Variants in SLC35E4 observed in about 807,000 individuals in gnomAD.
SLC35E4 encodes solute carrier family 35 member E4.
A neutral mutation model predicts 19.3 loss-of-function variants in SLC35E4; 15 were observed. That is an observed-to-expected ratio of 0.78 (90% confidence interval 0.52 to 1.20). The LOEUF (loss-of-function observed/expected upper bound fraction) is 1.20, where lower values mean the gene tolerates loss of function less well. Ranked by LOEUF, SLC35E4 falls within the 50% of genes most tolerant of loss-of-function variation. The probability of loss-of-function intolerance (pLI) is 0.00; values close to 1 mark genes in which losing one functional copy is unlikely to be tolerated. For missense variants in SLC35E4, 406 were observed against 472.3 expected (o/e 0.86, Z 1.30); for synonymous variants, 219 against 219.9 (o/e 1.00, Z 0.04).
chr22:30,653,045 TG>T (rs1490851663), intron 2 of SLC35E4, among the ~76,000 whole-genome samples: 1 of 152,082 alleles, frequency 6.6e-6, no homozygotes, highest in Non-Finnish European at 1.5e-5. Flanking sequence ...CTGTTCTGGG[TG>T]GGGTCTTGTC....
chr22:30,636,251 C>T lies in SLC35E4; in HGVS notation c.-200C>T, dbSNP rs1241797596. ...CTAGCAGCCGCGACCTTGGCTCTGC[C>T]CTGTCTGAGCTGGAAACACAGCTTA... On this transcript the variant is annotated 5_prime_UTR_variant, in exon 1 of 2. Transcript: ENST00000343605. The T allele has an allele frequency of 2.6e-6, 2 of 765,592 alleles. No homozygotes were observed. Among genetic ancestry groups the T allele is most frequent in the Middle Eastern group, 3.9e-4 (1 of 2,550 alleles). The allele number at this position is 765,592 out of a possible 1,614,324, so 47.4% of individuals were successfully genotyped here.
intron 1 of SLC35E4, among the ~76,000 whole-genome samples, chr22:30,639,092 G>A (rs1222839485): frequency 1.3e-5 from 2 of 152,182 alleles, no homozygotes; most frequent in Non-Finnish European, 2.9e-5. Flanking sequence ...GATATTTCAC[G>A]TAGGTTCTTT....
At chr22:30,663,188 C>A in exon 3 of SLC35E4, 1 of 475,220 alleles carries the variant, frequency 2.1e-6, no homozygotes, top group South Asian at 2.7e-5. Context: ...CACCATCTGC[C>A]TCAACCTATC....
downstream of SLC35E4, chr22:30,649,308 G>A (rs2088176755): frequency 1.8e-5 from 13 of 710,848 alleles, no homozygotes; most frequent in South Asian, 1.8e-4. Context: ...CAACCTTTCT[G>A]GAAACCATCT....
chr22:30,656,829 G>A (rs2088347468), intron 2 of SLC35E4, among the ~76,000 whole-genome samples: 1 of 152,126 alleles, frequency 6.6e-6, no homozygotes, highest in Non-Finnish European at 1.5e-5. Context: ...TAAAAAGGAG[G>A]AATGGCTTGG....
At chr22:30,637,332 C>T (rs1386411926) in intron 1 of SLC35E4, among the ~76,000 whole-genome samples, 1 of 152,206 alleles carries the variant, frequency 6.6e-6, no homozygotes, top group East Asian at 1.9e-4. Flanking sequence ...ACCCAGGCTG[C>T]ATTGGTGAGA....
chr22:30,658,341 C>A (rs965917100), intron 2 of SLC35E4, among the ~76,000 whole-genome samples: 1 of 151,130 alleles, frequency 6.6e-6, no homozygotes, highest in Non-Finnish European at 1.5e-5. Context: ...GAGTTTGAGA[C>A]CAGCCTGGGC....
At chr22:30,666,554 G>A (rs577138234), downstream of SLC35E4, among the ~76,000 whole-genome samples, 19 of 149,118 alleles carry the variant, frequency 1.3e-4, no homozygotes, top group Non-Finnish European at 2.1e-4. Context: ...CCCGGGAGGC[G>A]GAGGCTGCAG....
At chr22:30,660,483 T>G (rs1189327827) in intron 2 of SLC35E4, among the ~76,000 whole-genome samples, 1 of 152,008 alleles carries the variant, frequency 6.6e-6, no homozygotes, top group Admixed American at 6.6e-5. Flanking sequence ...AGAGAAAATT[T>G]TTTAAAAAAT....
At chr22:30,663,592 G>A (rs754173853), downstream of SLC35E4, 47 of 1,614,202 alleles carry the variant, frequency 2.9e-5, no homozygotes, top group East Asian at 7.1e-4. Flanking sequence ...ATGATGGGCC[G>A]GCATGACTTG....
intron 2 of SLC35E4, chr22:30,654,337 T>G (rs553634791): frequency 6.9e-5 from 32 of 463,614 alleles, no homozygotes; most frequent in Non-Finnish European, 1.2e-4. Context: ...CTCCTTCCTC[T>G]TCTCCTCCAG....
Position 30,636,250 on chromosome 22 carries a change from C to A in SLC35E4, c.-201C>A. On this transcript the variant is annotated 5_prime_UTR_variant, in exon 1 of 2. Coordinates refer to ENST00000343605, the MANE Select transcript of SLC35E4 (RefSeq NM_001001479.4). ...CCTAGCAGCCGCGACCTTGGCTCTG[C>A]CCTGTCTGAGCTGGAAACACAGCTT... 1.3e-6 allele frequency: 1 copy of A among 756,438 alleles called. No homozygotes were observed. The highest frequency in any genetic ancestry group is 2.0e-6 in the Non-Finnish European group (1 of 502,958). 46.9% of individuals were successfully genotyped at this position (756,438 alleles called of 1,614,324 possible). A position where few individuals can be genotyped will look rare whatever the true frequency, so the allele number is the denominator to read the frequency against.
downstream of SLC35E4, among the ~76,000 whole-genome samples, chr22:30,666,644 A>AAAAAAAAC: frequency 1.3e-5 from 2 of 151,204 alleles, no homozygotes; most frequent in African/African-American, 4.9e-5. Context: ...AAAAAAAAAA[A>AAAAAAAAC]AAGCAATCTC....
At chr22:30,668,410 ACCC>A (rs2088756939) in exon 3 of SLC35E4, 1 of 150,934 alleles carries the variant, frequency 6.6e-6, no homozygotes, top group Non-Finnish European at 1.5e-5. Context: ...CCTTTTTCAC[ACCC>A]CAGGGGAGTC....
chr22:30,653,954 T>C, intron 2 of SLC35E4: 1 of 167,980 alleles, frequency 6.0e-6, no homozygotes, highest in Non-Finnish European at 1.3e-5. Flanking sequence ...TCGGCCTGTT[T>C]CTGTAGCCTC....
intron 2 of SLC35E4, among the ~76,000 whole-genome samples, chr22:30,659,696 G>A (rs1387414353): frequency 1.3e-5 from 2 of 152,232 alleles, no homozygotes; most frequent in African/African-American, 4.8e-5. Context: ...ATCAAGATTT[G>A]GAAATGATGT....
intron 2 of SLC35E4, among the ~76,000 whole-genome samples, chr22:30,660,112 G>A (rs192998310): frequency 6.6e-6 from 1 of 152,182 alleles, no homozygotes; most frequent in Admixed American, 6.5e-5. Context: ...AACACATTTG[G>A]TTTTGGCCGT....
At chr22:30,657,510 G>A (rs2088364738) in intron 2 of SLC35E4, among the ~76,000 whole-genome samples, 1 of 151,100 alleles carries the variant, frequency 6.6e-6, no homozygotes, top group Non-Finnish European at 1.5e-5. Flanking sequence ...TATAATCCCA[G>A]CACTTTGGGA....
chr22:30,656,253 A>G (rs1415801604), intron 2 of SLC35E4, among the ~76,000 whole-genome samples: 2 of 152,110 alleles, frequency 1.3e-5, no homozygotes, highest in Admixed American at 6.5e-5. Context: ...CTGGGATTAC[A>G]GGCATGAGCC....
Sources: allele counts gnomAD v4.1 joint callset (sites outside exome capture counted in the v4.1 genomes callset), GRCh38; gene constraint gnomAD v4.1.1; transcripts MANE v1.5; gene names NCBI Gene and HGNC (gene_info 2026-07-23, HGNC 2026-07-21).